The following PCDH15 variants were observed in gnomAD, a reference collection of about 807,000 sequenced individuals.
PCDH15 encodes the protein protocadherin-15.
PCDH15 carries 129 observed loss-of-function variants against 178.5 expected under a neutral mutation model. The observed-to-expected ratio is 0.72, with a 90% CI of 0.63 to 0.84. The LOEUF (loss-of-function observed/expected upper bound fraction) is 0.84. Among genes scored for constraint, PCDH15 ranks in the 40% least tolerant of loss-of-function variants. The pLI is 0.00. For missense variants in PCDH15, 2,230 were observed against 2,099.9 expected, an observed-to-expected ratio of 1.06 and a Z score of -1.21; for synonymous variants, 800 against 732.0, an observed-to-expected ratio of 1.09 and a Z score of -1.50.
At chr10:54,874,561 G>C (rs1261085168) in intron 3 of PCDH15, among the ~76,000 whole-genome samples, 1 of 152,042 alleles carries the variant, frequency 6.6e-6, no homozygotes, top group African/African-American at 2.4e-5. Context: ...ATTGACAAAT[G>C]GGGTCTAATT....
At chr10:55,046,803 A>G (rs1267459739) in intron 2 of PCDH15, among the ~76,000 whole-genome samples, 1 of 152,050 alleles carries the variant, frequency 6.6e-6, no homozygotes, top group Non-Finnish European at 1.5e-5. Flanking sequence ...TCTTTCACAC[A>G]GTTTTATCAC....
At chr10:54,639,693 G>T (rs903918545) in intron 2 of PCDH15, among the ~76,000 whole-genome samples, 1 of 152,084 alleles carries the variant, frequency 6.6e-6, no homozygotes, top group African/African-American at 2.4e-5. Flanking sequence ...TCCTCTGAGA[G>T]TCTGGTAACA....
intron 1 of PCDH15, among the ~76,000 whole-genome samples, chr10:55,191,662 C>T (rs1839947542): frequency 6.6e-6 from 1 of 151,768 alleles, no homozygotes; most frequent in Non-Finnish European, 1.5e-5. Context: ...ATTATTGTTC[C>T]ATAATCAGTT....
At chr10:55,529,483 T>C (rs1841393551) in intron 2 of PCDH15, among the ~76,000 whole-genome samples, 1 of 151,858 alleles carries the variant, frequency 6.6e-6, no homozygotes, top group East Asian at 1.9e-4. Flanking sequence ...CCCAAAGTGC[T>C]GGGATTATAG....
chr10:55,037,368 G>A (rs530833200), intron 2 of PCDH15, among the ~76,000 whole-genome samples: 1 of 152,118 alleles, frequency 6.6e-6, no homozygotes, highest in South Asian at 2.1e-4. Flanking sequence ...CAAGTAGCTG[G>A]GATTACAGGC....
At chr10:54,958,207 T>C (rs979636603) in intron 2 of PCDH15, among the ~76,000 whole-genome samples, 2 of 151,494 alleles carry the variant, frequency 1.3e-5, no homozygotes, top group African/African-American at 4.8e-5. Flanking sequence ...TCCATGTATA[T>C]GTGAAGTACA....
chr10:55,226,484 C>A (rs903098916), intron 1 of PCDH15, among the ~76,000 whole-genome samples: 4 of 151,950 alleles, frequency 2.6e-5, no homozygotes, highest in African/African-American at 9.7e-5. Context: ...TGGGTTCAAG[C>A]AATTCTCCTG....
At chr10:53,887,782 G>A (rs1299040008) in intron 26 of PCDH15, among the ~76,000 whole-genome samples, 1 of 152,134 alleles carries the variant, frequency 6.6e-6, no homozygotes, top group Non-Finnish European at 1.5e-5. Flanking sequence ...CCAGATACTC[G>A]GGAGGCCAAG....
intron 25 of PCDH15, among the ~76,000 whole-genome samples, chr10:53,929,265 GGACA>G (rs1243500528): frequency 6.6e-6 from 1 of 151,676 alleles, no homozygotes; most frequent in African/African-American, 2.4e-5. Context: ...ATTTTTTCTT[GGACA>G]GACAATTTTA....
At chr10:54,646,962 T>G (rs959542575) in intron 2 of PCDH15, among the ~76,000 whole-genome samples, 1 of 151,972 alleles carries the variant, frequency 6.6e-6, no homozygotes, top group African/African-American at 2.4e-5. Flanking sequence ...AGAACTACAA[T>G]ATGATCCATG....
chr10:54,791,149 G>A (rs1443467196), intron 1 of PCDH15, among the ~76,000 whole-genome samples: 1 of 151,778 alleles, frequency 6.6e-6, no homozygotes, highest in African/African-American at 2.4e-5. Flanking sequence ...ATCATTAATG[G>A]TATTTGAAAC....
chr10:55,257,203 T>C (rs1252180428), intron 1 of PCDH15, among the ~76,000 whole-genome samples: 2 of 152,058 alleles, frequency 1.3e-5, no homozygotes, highest in Non-Finnish European at 2.9e-5. Flanking sequence ...AGAAAGGACA[T>C]CCACACCAAA....
chr10:55,143,514 C>A (rs1838410679), intron 2 of PCDH15, among the ~76,000 whole-genome samples: 1 of 151,970 alleles, frequency 6.6e-6, no homozygotes, highest in Non-Finnish European at 1.5e-5. Flanking sequence ...TTATCGTTTT[C>A]CTTTTGAATT....
At chr10:55,183,804 G>A (rs1009791529) in intron 1 of PCDH15, among the ~76,000 whole-genome samples, 1 of 151,806 alleles carries the variant, frequency 6.6e-6, no homozygotes, top group Non-Finnish European at 1.5e-5. Flanking sequence ...GTTTGTCCTG[G>A]ACAGTACTAG....
intron 2 of PCDH15, among the ~76,000 whole-genome samples, chr10:54,965,643 G>A (rs895617335): frequency 2.9e-5 from 4 of 138,550 alleles, no homozygotes; most frequent in Non-Finnish European, 6.2e-5. Context: ...ATATATGTTG[G>A]GTATATGTGG....
intron 1 of PCDH15, among the ~76,000 whole-genome samples, chr10:55,300,453 G>A (rs886799092): frequency 2.6e-5 from 4 of 152,022 alleles, no homozygotes; most frequent in Non-Finnish European, 5.9e-5. Flanking sequence ...TGAAAATCCC[G>A]CATCATTTTC....
At chr10:55,397,215 T>G (rs1032068320) in intron 2 of PCDH15, among the ~76,000 whole-genome samples, 1 of 152,172 alleles carries the variant, frequency 6.6e-6, no homozygotes, top group African/African-American at 2.4e-5. Context: ...ACTCAAAGCT[T>G]GAGGGACAAT....
chr10:53,823,274 G>A lies in PCDH15; in HGVS notation c.4368-3044C>T, dbSNP rs752602791. On this transcript the variant is annotated intron_variant, in intron 32 of 37. Coordinates refer to ENST00000644397, the MANE Select transcript of PCDH15 (RefSeq NM_001384140.1). ...GAGCCTCAATAGTATTGGAAGAAAA[G>A]GGCATCACAACTTGTTGATGTTTCC... 4.3e-6 allele frequency: 7 copies of A among 1,613,864 alleles called. No individual in the cohort carries two copies. In the African/African-American group the frequency reaches 5.3e-5, roughly 12 times the overall value.
chr10:54,738,458 CAT>C (rs1944389986), intron 1 of PCDH15, among the ~76,000 whole-genome samples: 1 of 151,886 alleles, frequency 6.6e-6, no homozygotes, highest in African/African-American at 2.4e-5. Flanking sequence ...GTAGGTAAAA[CAT>C]GAATTTACTT....
Sources: allele counts gnomAD v4.1 joint callset (sites outside exome capture counted in the v4.1 genomes callset), GRCh38; gene constraint gnomAD v4.1.1; transcripts MANE v1.5; gene names NCBI Gene and HGNC (gene_info 2026-07-23, HGNC 2026-07-21).